Variants in DPP10 observed in about 807,000 individuals in gnomAD.
DPP10 encodes the protein inactive dipeptidyl peptidase 10.
Under a neutral mutation model 120.9 loss-of-function variants are expected in DPP10, and 33 were observed. The ratio of observed to expected loss-of-function variants is 0.27; its 90% confidence interval spans 0.21 to 0.37. DPP10 has a LOEUF of 0.37. Ranked by LOEUF, DPP10 falls within the 10% of genes least tolerant of loss-of-function variation. The pLI is 1.00. For missense variants in DPP10, 816 were observed against 942.8 expected (o/e 0.87, Z 1.76); for synonymous variants, 337 against 326.1 (o/e 1.03, Z -0.36).
At chr2:114,589,014 C>T (rs181108167) in intron 1 of DPP10, among the ~76,000 whole-genome samples, 13 of 131,112 alleles carry the variant, frequency 9.9e-5, no homozygotes, top group East Asian at 2.1e-4. Context: ...TTATGCTGTC[C>T]GGTAGAAAGG....
chr2:115,815,867 A>C, intron 21 of DPP10, 138 bp downstream of exon 21: 1 of 842,830 alleles, frequency 1.2e-6, no homozygotes. Context: ...AACATGGAAA[A>C]CCTCACTGTA....
chr2:115,751,957 C>A (rs1332716707), intron 10 of DPP10, among the ~76,000 whole-genome samples: 1 of 140,440 alleles, frequency 7.1e-6, no homozygotes, highest in African/African-American at 2.7e-5. Flanking sequence ...TGCCACAACA[C>A]CCGGCTAATT....
rs114769488 is a variant in DPP10, at chr2:115,219,120, A to G, written c.61-90119A>G. Among the ~76,000 whole-genome samples the G allele has an allele frequency of 7.2e-3, 1,098 of 152,272 alleles. 18 individuals carry two copies. The highest frequency in any genetic ancestry group is 0.025 in the African/African-American group (1,050 of 41,578). ...AGAGGCACAGAAAGTTCAGAGTTACATTTGAATGAAATAACATGTTAAAAA... is the reference window on the plus strand; with the variant it reads ...AGAGGCACAGAAAGTTCAGAGTTACGTTTGAATGAAATAACATGTTAAAAA... On this transcript the variant is annotated intron_variant, in intron 1 of 25. Coordinates refer to ENST00000410059, the MANE Select transcript of DPP10 (RefSeq NM_020868.6).
At position 115,319,619 on chromosome 2, in the gene DPP10, C is replaced by T. The variant is rs538154098; in HGVS notation, c.175+10266C>T. Reference sequence around the variant, plus strand: ...CTTCTTGAATAAGTTTGGTAGTTTGCGTTTTTCTAGAAACTTGTTTACATC... The same window carrying T: ...CTTCTTGAATAAGTTTGGTAGTTTGTGTTTTTCTAGAAACTTGTTTACATC... On this transcript the variant is annotated intron_variant, in intron 2 of 25. Coordinates refer to ENST00000410059, the MANE Select transcript of DPP10 (RefSeq NM_020868.6). 1.8e-3 allele frequency among the ~76,000 whole-genome samples: 273 copies of T among 152,192 alleles called. 1 individual carries two copies. Among genetic ancestry groups the T allele is most frequent in the African/African-American group, 5.4e-3 (226 of 41,534 alleles).
At chr2:115,810,869 A>C (rs1686563952) in intron 19 of DPP10, among the ~76,000 whole-genome samples, 1 of 152,210 alleles carries the variant, frequency 6.6e-6, no homozygotes, top group Non-Finnish European at 1.5e-5. Context: ...AGAAAGAAAC[A>C]AAAATAACTA....
chr2:115,832,179 G>C (rs1688993878), intron 21 of DPP10, among the ~76,000 whole-genome samples: 1 of 152,166 alleles, frequency 6.6e-6, no homozygotes, highest in African/African-American at 2.4e-5. Context: ...TGAGAGGAAG[G>C]CGAGCCATTA....
At chr2:115,666,440 C>A (rs1460821473) in intron 5 of DPP10, among the ~76,000 whole-genome samples, 1 of 152,124 alleles carries the variant, frequency 6.6e-6, no homozygotes, top group Non-Finnish European at 1.5e-5. Flanking sequence ...AGAAAACCAC[C>A]CCCATGATCC....
intron 2 of DPP10, among the ~76,000 whole-genome samples, chr2:115,326,117 T>G (rs188062500): frequency 1.3e-5 from 2 of 152,284 alleles, no homozygotes; most frequent in African/African-American, 4.8e-5. Flanking sequence ...ATTGGTCATT[T>G]GTAAAATATT....
chr2:115,838,878 C>G (rs1689804154), intron 24 of DPP10, among the ~76,000 whole-genome samples: 1 of 152,182 alleles, frequency 6.6e-6, no homozygotes, highest in South Asian at 2.1e-4. Flanking sequence ...AGTCATGACA[C>G]TGTAACACCA....
rs189479901 is a variant in DPP10, at chr2:115,077,922, A to G, written c.61-231317A>G. ...ATATTGCCCAAGAGGGAAATTTTTC[A>G]GCCAGTTTCTGTTGAAGCCTCTCAA... is the stretch of plus-strand genomic sequence containing the variant. On this transcript the variant is annotated intron_variant, in intron 1 of 25. Coordinates refer to ENST00000410059, the MANE Select transcript of DPP10 (RefSeq NM_020868.6). Among the ~76,000 whole-genome samples, 704 of 152,378 alleles carry G rather than the reference A, an allele frequency of 4.6e-3. 10 individuals are homozygous for G. The highest frequency in any genetic ancestry group is 7.2e-3 in the South Asian group (35 of 4,830).
chr2:114,650,248 G>A (rs1696479580), intron 1 of DPP10, among the ~76,000 whole-genome samples: 1 of 152,146 alleles, frequency 6.6e-6, no homozygotes, highest in Non-Finnish European at 1.5e-5. Flanking sequence ...GAGATAGAAT[G>A]TGGTGTCAGA....
At chr2:114,758,844 G>A (rs766461981) in intron 1 of DPP10, among the ~76,000 whole-genome samples, 8 of 152,216 alleles carry the variant, frequency 5.3e-5, no homozygotes, top group Non-Finnish European at 1.2e-4. Flanking sequence ...AGAAAATAAG[G>A]TTTCATCGTG....
chr2:115,335,800 C>T (rs1311997838), intron 2 of DPP10, among the ~76,000 whole-genome samples: 1 of 151,802 alleles, frequency 6.6e-6, no homozygotes, highest in African/African-American at 2.4e-5. Flanking sequence ...ATGACACTAA[C>T]CATGGAAAAT....
intron 2 of DPP10, among the ~76,000 whole-genome samples, chr2:115,312,640 C>A (rs866628399): frequency 6.6e-6 from 1 of 152,140 alleles, no homozygotes; most frequent in Non-Finnish European, 1.5e-5. Flanking sequence ...CTGCACCAAG[C>A]CTTTCTCTTC....
At chr2:115,766,742 A>G (rs1680810773) in intron 12 of DPP10, among the ~76,000 whole-genome samples, 1 of 152,156 alleles carries the variant, frequency 6.6e-6, no homozygotes, top group Non-Finnish European at 1.5e-5. Context: ...GCTTCCAGTC[A>G]TGGCGGAAGG....
chr2:115,568,277 G>A (rs1433235096), intron 5 of DPP10, among the ~76,000 whole-genome samples: 1 of 152,044 alleles, frequency 6.6e-6, no homozygotes, highest in Non-Finnish European at 1.5e-5. Flanking sequence ...GAGGTCAAGA[G>A]ATTGAGACCA....
intron 1 of DPP10, among the ~76,000 whole-genome samples, chr2:114,795,967 G>A (rs930506320): frequency 2.0e-5 from 3 of 152,144 alleles, no homozygotes; most frequent in African/African-American, 4.8e-5. Context: ...CAATTAAGTA[G>A]TATGTAACTG....
intron 1 of DPP10, among the ~76,000 whole-genome samples, chr2:114,618,107 T>C (rs1027043302): frequency 6.6e-6 from 1 of 152,098 alleles, no homozygotes; most frequent in African/African-American, 2.4e-5. Context: ...AAGGAGAACA[T>C]TATGACTTAA....
intron 3 of DPP10, among the ~76,000 whole-genome samples, chr2:115,397,110 TG>T (rs2067740429): frequency 6.6e-6 from 1 of 152,238 alleles, no homozygotes; most frequent in Non-Finnish European, 1.5e-5. Context: ...CTTAGTGACT[TG>T]ATCACTTATA....
Sources: allele counts gnomAD v4.1 joint callset (sites outside exome capture counted in the v4.1 genomes callset), GRCh38; gene constraint gnomAD v4.1.1; transcripts MANE v1.5; gene names NCBI Gene and HGNC (gene_info 2026-07-23, HGNC 2026-07-21).